LHFPL2: variants seen among roughly 807,000 people sequenced by gnomAD.
The protein encoded by LHFPL2 is LHFPL tetraspan subfamily member 2.
Under a neutral mutation model 17.5 loss-of-function variants are expected in LHFPL2, and 7 were observed. The ratio of observed to expected loss-of-function variants is 0.40; its 90% CI spans 0.23 to 0.75. The LOEUF is 0.75. Ranked by LOEUF, LHFPL2 falls within the 30% of genes least tolerant of loss-of-function variation. The probability of loss-of-function intolerance (pLI) is 0.37; values close to 1 mark genes in which losing one functional copy is unlikely to be tolerated. For missense variants in LHFPL2, 241 were observed against 294.8 expected (o/e 0.82, Z 1.34); for synonymous variants, 134 against 116.2 (o/e 1.15, Z -0.99).
intron 3 of LHFPL2, among the ~76,000 whole-genome samples, chr5:78,530,416 C>T (rs1289337659): frequency 1.3e-5 from 2 of 152,180 alleles, no homozygotes; most frequent in Non-Finnish European, 2.9e-5. Context: ...TCAGGCTGAA[C>T]CATAAACAGT....
chr5:78,492,016 C>T (rs542851518), intron 4 of LHFPL2, among the ~76,000 whole-genome samples: 5 of 152,138 alleles, frequency 3.3e-5, no homozygotes, highest in African/African-American at 9.6e-5. Context: ...TATGATAAAC[C>T]CCAATTAATC....
chr5:78,522,324 G>A (rs1440047856), intron 3 of LHFPL2, among the ~76,000 whole-genome samples: 1 of 152,124 alleles, frequency 6.6e-6, no homozygotes, highest in Non-Finnish European at 1.5e-5. Context: ...TGTAGTCTCA[G>A]CTACTCAGGA....
intron 2 of LHFPL2, among the ~76,000 whole-genome samples, chr5:78,614,113 A>C (rs1744513841): frequency 6.6e-6 from 1 of 152,188 alleles, no homozygotes; most frequent in African/African-American, 2.4e-5. Context: ...GCTATGAGAA[A>C]CACGAGTTAA....
chr5:78,645,591 C>CACAT (rs1195015805), intron 1 of LHFPL2, among the ~76,000 whole-genome samples: 71 of 126,680 alleles, frequency 5.6e-4, no homozygotes, highest in African/African-American at 2.0e-3. Context: ...CACACACACA[C>CACAT]ATTTTTTTTG....
At chr5:78,580,562 A>C (rs1302413178) in intron 2 of LHFPL2, among the ~76,000 whole-genome samples, 6 of 150,132 alleles carry the variant, frequency 4.0e-5, no homozygotes, top group African/African-American at 1.2e-4. Context: ...CTTTCTACAT[A>C]TGGCTAGCCA....
intron 2 of LHFPL2, among the ~76,000 whole-genome samples, chr5:78,602,860 C>T (rs553574231): frequency 6.9e-6 from 1 of 144,476 alleles, no homozygotes; most frequent in South Asian, 2.2e-4. Flanking sequence ...CTTACTACCA[C>T]CCACAATGAG....
At chr5:78,625,322 T>C (rs555358653) in intron 2 of LHFPL2, 1 of 152,156 alleles carries the variant, frequency 6.6e-6, no homozygotes, top group Admixed American at 6.5e-5. Flanking sequence ...GAGGGTAGGC[T>C]CCTAGCTGCT....
At chr5:78,606,095 C>G (rs1480056193) in intron 2 of LHFPL2, among the ~76,000 whole-genome samples, 1 of 152,246 alleles carries the variant, frequency 6.6e-6, no homozygotes, top group African/African-American at 2.4e-5. Flanking sequence ...AGTGCCCACT[C>G]TGCCTTAGGC....
chr5:78,513,937 G>A (rs1007886076), intron 3 of LHFPL2, among the ~76,000 whole-genome samples: 3 of 152,196 alleles, frequency 2.0e-5, no homozygotes, highest in African/African-American at 7.2e-5. Flanking sequence ...TCTCAGGGTG[G>A]CAGGACAAGG....
chr5:78,582,144 A>T (rs908598356), intron 2 of LHFPL2, among the ~76,000 whole-genome samples: 2 of 152,094 alleles, frequency 1.3e-5, no homozygotes, highest in Non-Finnish European at 2.9e-5. Context: ...ATACCCCTTT[A>T]TCATTTTTTA....
intron 2 of LHFPL2, among the ~76,000 whole-genome samples, chr5:78,627,810 T>C (rs1288590957): frequency 6.6e-6 from 1 of 152,198 alleles, no homozygotes; most frequent in Non-Finnish European, 1.5e-5. Context: ...CTCCGAATAA[T>C]GCTCAACTCA....
chr5:78,546,181 C>T (rs574184445), intron 3 of LHFPL2, among the ~76,000 whole-genome samples: 2 of 152,322 alleles, frequency 1.3e-5, no homozygotes, highest in Admixed American at 6.5e-5. Flanking sequence ...GATTATACTG[C>T]TGGCTTATTT....
intron 2 of LHFPL2, among the ~76,000 whole-genome samples, chr5:78,577,494 G>A (rs754068835): frequency 6.6e-6 from 1 of 152,064 alleles, no homozygotes; most frequent in Non-Finnish European, 1.5e-5. Flanking sequence ...TCACATAAAA[G>A]GTGCCATTTA....
chr5:78,603,347 C>T (rs1410075449), intron 2 of LHFPL2, among the ~76,000 whole-genome samples: 2 of 152,214 alleles, frequency 1.3e-5, no homozygotes, highest in African/African-American at 4.8e-5. Context: ...ATTCAGATAT[C>T]TGAAAACTGT....
Position 78,510,233 on chromosome 5 carries a change from A to G in LHFPL2, c.-20T>C, listed in dbSNP as rs373568651. ...ACACATATTGATGTTCCGGGCGAAG[A>G]AAGAGTCAGGAGTCCACGGAGTTAA... On this transcript the variant is annotated 5_prime_UTR_variant, in exon 4 of 5. Coordinates refer to ENST00000380345, the MANE Select transcript of LHFPL2 (RefSeq NM_005779.3). 2 of 1,564,430 alleles carry G rather than the reference A, an allele frequency of 1.3e-6. No individual in the cohort carries two copies. Among genetic ancestry groups the G allele is most frequent in the Non-Finnish European group, 1.7e-6 (2 of 1,152,620 alleles).
At chr5:78,513,895 A>T (rs897845079) in intron 3 of LHFPL2, among the ~76,000 whole-genome samples, 12 of 152,216 alleles carry the variant, frequency 7.9e-5, no homozygotes, top group African/African-American at 2.9e-4. Flanking sequence ...TCAGCAGTGT[A>T]AAAACGGACT....
chr5:78,624,855 G>C (rs576325147), intron 2 of LHFPL2: 1 of 151,388 alleles, frequency 6.6e-6, no homozygotes, highest in South Asian at 2.1e-4. Context: ...CCAGGCTGGA[G>C]TACAGTGGCG....
rs1276580655 is a variant in LHFPL2 at position 78,585,302 on chromosome 5, C to T, written c.-244-20431G>A. On this transcript the variant is annotated intron_variant, in intron 2 of 4. Coordinates refer to ENST00000380345, the MANE Select transcript of LHFPL2 (RefSeq NM_005779.3). The stretch of plus-strand genomic sequence containing the variant: ...GATTACAGGCGTGAGCCACCGCGCC[C>T]GGCCTGGTGCGCTGTTTTTTAAGCC... 7.9e-5 allele frequency among the ~76,000 whole-genome samples: 5 copies of T among 63,054 alleles called. 1 individual carries two copies. Among genetic ancestry groups the T allele is most frequent in the Non-Finnish European group, 1.3e-4 (3 of 23,316 alleles). 41.4% of individuals were successfully genotyped at this position (63,054 alleles called of 152,430 possible).
At chr5:78,516,068 G>A (rs1755282333) in intron 3 of LHFPL2, among the ~76,000 whole-genome samples, 1 of 152,122 alleles carries the variant, frequency 6.6e-6, no homozygotes, top group Non-Finnish European at 1.5e-5. Flanking sequence ...CTTAAGAACT[G>A]GAAGGATAGT....
Sources: allele counts gnomAD v4.1 joint callset (sites outside exome capture counted in the v4.1 genomes callset), GRCh38; gene constraint gnomAD v4.1.1; transcripts MANE v1.5; gene names NCBI Gene and HGNC (gene_info 2026-07-23, HGNC 2026-07-21).